INIP: variants seen among roughly 807,000 people sequenced by gnomAD.
INIP encodes INTS3 and NABP interacting protein, also known as SOSS complex subunit C.
INIP carries 9 observed loss-of-function variants against 14.0 expected under a neutral mutation model. The observed-to-expected ratio is 0.64, with a 90% confidence interval of 0.39 to 1.12. The LOEUF (loss-of-function observed/expected upper bound fraction) is 1.12. Ranked by LOEUF, INIP falls within the 50% of genes most tolerant of loss-of-function variation. The pLI, the probability that INIP is intolerant of heterozygous loss-of-function variation, is 0.01. For missense variants in INIP, 78 were observed against 122.7 expected (o/e 0.64, Z 1.72); for synonymous variants, 37 against 41.5 (o/e 0.89, Z 0.41).
chr9:112,703,056 C>T (rs1838349795), intron 2 of INIP, among the ~76,000 whole-genome samples: 1 of 152,012 alleles, frequency 6.6e-6, no homozygotes, highest in African/African-American at 2.4e-5. Flanking sequence ...TTTTGTTTAA[C>T]ATTTCTGAAC....
intron 1 of INIP, 59 bp from the exon 2 acceptor site, chr9:112,716,600 G>T: frequency 1.2e-6 from 1 of 866,032 alleles, no homozygotes; most frequent in South Asian, 1.4e-5. Context: ...AAACTAAAAG[G>T]AACAGCTAGC....
intron 2 of INIP, among the ~76,000 whole-genome samples, chr9:112,707,434 G>A (rs1234091993): frequency 6.7e-6 from 1 of 150,122 alleles, no homozygotes; most frequent in African/African-American, 2.5e-5. Flanking sequence ...TCATAATCAC[G>A]TATGTTCTCA....
intron 3 of INIP, 124 bp downstream of exon 3, chr9:112,694,007 G>C: frequency 3.8e-6 from 2 of 525,368 alleles, no homozygotes; most frequent in Non-Finnish European, 6.5e-6. Flanking sequence ...CCCGGGAGGC[G>C]GAGGCTGCAG....
At chr9:112,694,624 CT>C (rs983998565) in intron 2 of INIP, among the ~76,000 whole-genome samples, 7 of 152,304 alleles carry the variant, frequency 4.6e-5, no homozygotes, top group Admixed American at 3.9e-4. Context: ...CCGAGTCAAT[CT>C]TTGGGAGGGC....
At chr9:112,696,324 G>T (rs1056786168) in intron 2 of INIP, among the ~76,000 whole-genome samples, 2 of 152,082 alleles carry the variant, frequency 1.3e-5, no homozygotes, top group African/African-American at 4.8e-5. Context: ...GCTCTGTGGG[G>T]CCTTTCCATG....
chr9:112,700,425 TA>T (rs1173081375), intron 2 of INIP, among the ~76,000 whole-genome samples: 13 of 151,844 alleles, frequency 8.6e-5, no homozygotes, highest in Admixed American at 5.3e-4. Flanking sequence ...ACCACAGCTT[TA>T]GATCTTTTCT....
Position 112,686,157 on chromosome 9 carries a change from T to C in INIP, c.*1381A>G, listed in dbSNP as rs1837656951. On this transcript the variant is annotated 3_prime_UTR_variant, in exon 5 of 5. Transcript: ENST00000374242. ...AGTTACAAAAAGTTATATAAAATAC[T>C]GTATCTGTGATACAGTGTAAAATAT... is the stretch of plus-strand genomic sequence containing the variant. The C allele has an allele frequency of 6.6e-6, 1 of 152,176 alleles. No homozygotes were observed. Among genetic ancestry groups the C allele is most frequent in the African/African-American group, 2.4e-5 (1 of 41,448 alleles). The allele number at this position is 152,176 out of a possible 1,614,324, so 9.4% of individuals were successfully genotyped here.
Position 112,687,524 on chromosome 9 carries a change from C to T in INIP, c.*14G>A, listed in dbSNP as rs758525818. On this transcript the variant is annotated 3_prime_UTR_variant, in exon 5 of 5. Coordinates refer to ENST00000374242, the MANE Select transcript of INIP (RefSeq NM_021218.3). ...TGATATTACAAAGTCACTTTTCCAT[C>T]GCAAATGTTTTCTTCATTCTGGGTC... The T allele has an allele frequency of 2.1e-5, 32 of 1,533,976 alleles. 1 individual carries two copies. The highest frequency in any genetic ancestry group is 1.0e-4 in the South Asian group (9 of 88,628).
chr9:112,712,378 A>G (rs1292603452), intron 2 of INIP, among the ~76,000 whole-genome samples: 2 of 149,146 alleles, frequency 1.3e-5, no homozygotes, highest in Non-Finnish European at 2.9e-5. Context: ...AAAAATCACA[A>G]TTTCAGAAGA....
intron 3 of INIP, among the ~76,000 whole-genome samples, chr9:112,693,227 G>T (rs535238495): frequency 1.3e-5 from 2 of 152,232 alleles, no homozygotes; most frequent in South Asian, 4.1e-4. Flanking sequence ...TTAAGAAGCA[G>T]CTCAGTTAAT....
At position 112,684,838 on chromosome 9, in the gene INIP, A is replaced by G. The variant is rs1485979746; in HGVS notation, c.*2700T>C. 1 of 152,182 alleles carries G rather than the reference A, an allele frequency of 6.6e-6. No individual in the cohort carries two copies. The highest frequency in any genetic ancestry group is 1.5e-5 in the Non-Finnish European group (1 of 68,034). The allele number at this position is 152,182 out of a possible 1,614,324, so 9.4% of individuals were successfully genotyped here. On this transcript the variant is annotated 3_prime_UTR_variant, in exon 5 of 5. Coordinates refer to ENST00000374242, the MANE Select transcript of INIP (RefSeq NM_021218.3). ...GAGGAACATACAAAGATATTAACTGAGTTCCTCAAATTCACCCATGATCTG... is the reference window on the plus strand; with the variant it reads ...GAGGAACATACAAAGATATTAACTGGGTTCCTCAAATTCACCCATGATCTG...
At chr9:112,692,444 T>C (rs1837922993) in intron 3 of INIP, among the ~76,000 whole-genome samples, 1 of 152,010 alleles carries the variant, frequency 6.6e-6, no homozygotes, top group African/African-American at 2.4e-5. Context: ...CCACCATGGC[T>C]AGCTAATTTT....
chr9:112,713,183 A>G (rs750879811), intron 2 of INIP, among the ~76,000 whole-genome samples: 15 of 152,240 alleles, frequency 9.9e-5, no homozygotes, highest in Non-Finnish European at 2.2e-4. Context: ...AAGATTTACA[A>G]TGGCCAATAA....
intron 1 of INIP, among the ~76,000 whole-genome samples, 183 bp downstream of exon 1, chr9:112,717,804 G>A (rs1008910663): frequency 6.6e-6 from 1 of 152,186 alleles, no homozygotes; most frequent in Non-Finnish European, 1.5e-5. Context: ...CCCTGCCTAC[G>A]GATGTGCAGA....
chr9:112,715,119 C>T (rs1306601215), intron 2 of INIP, among the ~76,000 whole-genome samples: 1 of 128,016 alleles, frequency 7.8e-6, no homozygotes, highest in Non-Finnish European at 1.6e-5. Context: ...AAAATACACA[C>T]ATACATACAT....
chr9:112,702,471 T>A (rs1211819984), intron 2 of INIP, among the ~76,000 whole-genome samples: 1 of 152,208 alleles, frequency 6.6e-6, no homozygotes, highest in Non-Finnish European at 1.5e-5. Flanking sequence ...CACAAGAATA[T>A]TTTTGTTTTC....
At chr9:112,692,889 A>AC (rs147964591) in intron 3 of INIP, among the ~76,000 whole-genome samples, 10,056 of 151,824 alleles carry the variant, frequency 0.066, 433 homozygotes, top group Non-Finnish European at 0.095. Context: ...AAAAACAAAA[A>AC]AATTAGCCAG....
At chr9:112,707,965 T>G (rs2131309218) in intron 2 of INIP, among the ~76,000 whole-genome samples, 1 of 152,352 alleles carries the variant, frequency 6.6e-6, no homozygotes, top group South Asian at 2.1e-4. Context: ...TCTAGCAGTC[T>G]TTCATGCTAT....
intron 2 of INIP, among the ~76,000 whole-genome samples, chr9:112,711,018 GAAA>G (rs943007670): frequency 1.4e-5 from 2 of 139,230 alleles, no homozygotes; most frequent in African/African-American, 5.3e-5. Context: ...GTTTCTACAG[GAAA>G]AAAAAAAAGA....
Sources: allele counts gnomAD v4.1 joint callset (sites outside exome capture counted in the v4.1 genomes callset), GRCh38; gene constraint gnomAD v4.1.1; transcripts MANE v1.5; gene names NCBI Gene and HGNC (gene_info 2026-07-23, HGNC 2026-07-21).